Variants in HOXC6 observed in about 807,000 individuals in gnomAD.
HOXC6 encodes the protein homeobox protein Hox-C6.
In HOXC6, 10 loss-of-function variants were observed where a neutral mutation model predicts 24.0. The observed-to-expected ratio is 0.42, with a 90% CI of 0.26 to 0.71. The LOEUF (loss-of-function observed/expected upper bound fraction) is 0.71. HOXC6 is among the 30% of genes least tolerant of loss of function. The pLI is 0.28. For missense variants in HOXC6, 258 were observed against 303.4 expected, an observed-to-expected ratio of 0.85 and a Z score of 1.11; for synonymous variants, 123 against 128.1, an observed-to-expected ratio of 0.96 and a Z score of 0.27.
At position 54,028,649 on chromosome 12, in the gene HOXC6, C is replaced by T. The variant is rs763026260; in HGVS notation, c.128C>T (p.Ala43Val). 8 of 1,614,140 alleles carry T rather than the reference C, an allele frequency of 5.0e-6. No individual in the cohort carries two copies. The highest frequency in any genetic ancestry group is 3.3e-4 in the Middle Eastern group (2 of 6,062). ...AGGCATTTCTCGACCTATGGAGCGG[C>T]CGTTGCCCAGAACCGGATCTACTCG... ...PVRHFSTYGAAVAQNRIYSTP... is the reference protein window; with the variant it reads ...PVRHFSTYGAVVAQNRIYSTP... The change falls in exon 1 of 2, where the codon GCC (alanine) becomes GTC (valine). Residue 43 changes from alanine to valine, a missense_variant. Transcript: ENST00000243108.
intron 1 of HOXC6, among the ~76,000 whole-genome samples, chr12:54,017,898 G>C (rs2136412294): frequency 6.6e-6 from 1 of 151,880 alleles, no homozygotes; most frequent in East Asian, 1.9e-4. Flanking sequence ...TCCCCTCCCT[G>C]TCTGGCAGCC....
chr12:54,017,586 G>A (rs374923300), intron 1 of HOXC6, among the ~76,000 whole-genome samples: 2 of 152,040 alleles, frequency 1.3e-5, no homozygotes, highest in South Asian at 4.2e-4. Context: ...GGGTTAAACT[G>A]GAATACCGGT....
chr12:54,019,122 G>A (rs1940304039), intron 1 of HOXC6, among the ~76,000 whole-genome samples: 2 of 128,634 alleles, frequency 1.6e-5, no homozygotes. Flanking sequence ...CCATCATAAA[G>A]GCCTCTGAGG....
intron 1 of HOXC6, chr12:54,017,433 G>A (rs528275436): frequency 2.3e-4 from 35 of 150,382 alleles, no homozygotes; most frequent in African/African-American, 8.8e-4. Context: ...TTCCTTATTG[G>A]TTCAAATATG....
chr12:54,029,998 C>G lies in HOXC6; in HGVS notation c.*36C>G. On this transcript the variant is annotated 3_prime_UTR_variant, in exon 2 of 2. Transcript: ENST00000243108. ...CCCTGCCACCCCTCTCTCCCTTTCT[C>G]CCTCGCTCCCCACCAACTCTCCCCT... 1 of 1,466,448 alleles carries G rather than the reference C, an allele frequency of 6.8e-7. No homozygotes were observed. The highest frequency in any genetic ancestry group is 9.1e-7 in the Non-Finnish European group (1 of 1,100,462). 90.8% of individuals were successfully genotyped at this position (1,466,448 alleles called of 1,614,324 possible).
chr12:54,021,228 G>A lies in HOXC6; in HGVS notation c.-193+3814G>A, dbSNP rs542736788. The A allele has an allele frequency of 7.2e-5, 11 of 152,342 alleles. No individual in the cohort carries two copies. In the East Asian group the frequency reaches 2.1e-3, roughly 29 times the overall value. 9.4% of individuals were successfully genotyped at this position (152,342 alleles called of 1,614,324 possible). A position where few individuals can be genotyped will look rare whatever the true frequency, so the allele number is the denominator to read the frequency against. On this transcript the variant is annotated intron_variant, in intron 1 of 2. Transcript: ENST00000394331. Reference sequence around the variant, plus strand: ...CGCTCACCCCGCCCCAGCCCGATTTGCCTGCATCCGTGGCGGCAGATTGGG... The same window carrying A: ...CGCTCACCCCGCCCCAGCCCGATTTACCTGCATCCGTGGCGGCAGATTGGG...
Position 54,029,965 on chromosome 12 carries a change from A to C in HOXC6, c.*3A>C. 6.5e-7 allele frequency: 1 copy of C among 1,546,040 alleles called. No homozygotes were observed. The highest frequency in any genetic ancestry group is 8.7e-7 in the Non-Finnish European group (1 of 1,145,458). On this transcript the variant is annotated 3_prime_UTR_variant, in exon 2 of 2. Coordinates refer to ENST00000243108, the MANE Select transcript of HOXC6 (RefSeq NM_004503.4). Reference sequence around the variant, plus strand: ...AAGAGGAGAAGCAGAAAGAGTGACCAGGACTGTCCCTGCCACCCCTCTCTC... The same window carrying C: ...AAGAGGAGAAGCAGAAAGAGTGACCCGGACTGTCCCTGCCACCCCTCTCTC...
chr12:54,026,577 C>T (rs1206621582), upstream of HOXC6, among the ~76,000 whole-genome samples: 3 of 152,194 alleles, frequency 2.0e-5, no homozygotes, highest in African/African-American at 7.2e-5. Flanking sequence ...CTTTCCCCTT[C>T]CCTTCCAAAT....
chr12:54,024,369 G>A (rs1255685918), upstream of HOXC6, among the ~76,000 whole-genome samples: 3 of 152,128 alleles, frequency 2.0e-5, no homozygotes, highest in South Asian at 2.1e-4. Context: ...AGGAGGCACC[G>A]AGCTGTAGTT....
chr12:54,027,585 C>G (rs1036055586), upstream of HOXC6, among the ~76,000 whole-genome samples: 3 of 152,218 alleles, frequency 2.0e-5, no homozygotes, highest in Non-Finnish European at 2.9e-5. Flanking sequence ...CTCTGTCTTT[C>G]CCCCTCCGGT....
In HOXC6 at chr12:54,030,203, T is replaced by C. The variant is rs1940930354; in HGVS notation, c.*241T>C. 4.6e-6 allele frequency: 2 copies of C among 432,806 alleles called. No individual in the cohort carries two copies. Among genetic ancestry groups the C allele is most frequent in the South Asian group, 8.9e-5 (2 of 22,432 alleles). 26.8% of individuals were successfully genotyped at this position (432,806 alleles called of 1,614,324 possible). On this transcript the variant is annotated 3_prime_UTR_variant, in exon 2 of 2. Coordinates refer to ENST00000243108, the MANE Select transcript of HOXC6 (RefSeq NM_004503.4). The stretch of plus-strand genomic sequence containing the variant: ...CTTGCTAGCTCGTTCTCGGCTTGTC[T>C]ACAGGCCCTTTTCCCCGTCCAGGCC...
chr12:54,028,979 C>G lies in HOXC6; in HGVS notation c.400+58C>G, dbSNP rs1025297090. 4.6e-6 allele frequency: 7 copies of G among 1,505,612 alleles called. No homozygotes were observed. In the East Asian group the frequency reaches 1.4e-4, roughly 29 times the overall value. 93.3% of individuals were successfully genotyped at this position (1,505,612 alleles called of 1,614,324 possible). ...TAAACTGAACTGGCTTTATGACCGG[C>G]TTCCCTAGAAGAACGGGCGGAGAGA... On this transcript the variant is annotated intron_variant, in intron 1 of 1. Transcript: ENST00000243108.
Position 54,029,947 on chromosome 12 carries a change from G to A in HOXC6, c.693G>A (p.Glu231=), listed in dbSNP as rs1291065099. ...AAAAGCGGGAAGAGACAGAAGAGGA[G>A]AAGCAGAAAGAGTGACCAGGACTGT... ...KEEKREETEE[E]KQKE Residue 231 remains glutamate, a synonymous_variant, in exon 2 of 2, where the codon GAG becomes GAA. Transcript: ENST00000243108. 1.3e-6 allele frequency: 2 copies of A among 1,580,628 alleles called. No individual in the cohort carries two copies. The highest frequency in any genetic ancestry group is 1.7e-6 in the Non-Finnish European group (2 of 1,162,272).
At chr12:54,018,338 C>G (rs1940259639) in intron 1 of HOXC6, among the ~76,000 whole-genome samples, 1 of 152,198 alleles carries the variant, frequency 6.6e-6, no homozygotes, top group Non-Finnish European at 1.5e-5. Context: ...CTAGGACCTG[C>G]CTCGCCTCGG....
chr12:54,028,866 C>T lies in HOXC6; in HGVS notation c.345C>T (p.Asp115=), dbSNP rs781639621. 3 of 1,613,842 alleles carry T rather than the reference C, an allele frequency of 1.9e-6. No homozygotes were observed. Among genetic ancestry groups the T allele is most frequent in the African/African-American group, 1.3e-5 (1 of 75,036 alleles). Residue 115 remains aspartate (D), a synonymous_variant, in exon 1 of 2, where the codon GAC becomes GAT. Coordinates refer to ENST00000243108, the MANE Select transcript of HOXC6 (RefSeq NM_004503.4). ...SSEQGRTAPQ[D]QKASIQIYPW... Reference sequence around the variant, plus strand: ...AGCAGGGCAGGACTGCGCCCCAGGACCAGAAAGCCAGTATCCAGATTTACC... The same window carrying T: ...AGCAGGGCAGGACTGCGCCCCAGGATCAGAAAGCCAGTATCCAGATTTACC...
In HOXC6 at chr12:54,028,824, T is replaced by C. The variant is rs2136436580; in HGVS notation, c.303T>C (p.Ala101=). 6.2e-7 allele frequency: 1 copy of C among 1,613,846 alleles called. No individual in the cohort carries two copies. The highest frequency in any genetic ancestry group is 1.3e-5 in the African/African-American group (1 of 74,918). Reference sequence around the variant, plus strand: ...GACATAACACACAGACCTCAATCGCTCAGGATTTTAGTTCTGAGCAGGGCA... The same window carrying C: ...GACATAACACACAGACCTCAATCGCCCAGGATTTTAGTTCTGAGCAGGGCA... The part of the protein sequence containing the change: ...TLGHNTQTSI[A]QDFSSEQGRT... The change falls in exon 1 of 2, where the codon GCT becomes GCC. Residue 101 remains alanine, a synonymous_variant. Transcript: ENST00000243108.
At chr12:54,028,030 C>G (rs1000191769), upstream of HOXC6, among the ~76,000 whole-genome samples, 3 of 152,028 alleles carry the variant, frequency 2.0e-5, no homozygotes, top group African/African-American at 7.3e-5. Context: ...GAGTTCTTCC[C>G]TTGGAGAAAT....
chr12:54,029,328 G>A (rs1035900363), intron 1 of HOXC6, among the ~76,000 whole-genome samples: 1 of 152,108 alleles, frequency 6.6e-6, no homozygotes, highest in African/African-American at 2.4e-5. Context: ...GAGAAAGGGG[G>A]CCCTCATCCC....
intron 1 of HOXC6, among the ~76,000 whole-genome samples, chr12:54,019,756 T>C (rs998551361): frequency 2.6e-5 from 4 of 152,062 alleles, no homozygotes; most frequent in African/African-American, 4.8e-5. Context: ...CACAGCGAGA[T>C]TTGGAGGTGC....
Sources: allele counts gnomAD v4.1 joint callset (sites outside exome capture counted in the v4.1 genomes callset), GRCh38; gene constraint gnomAD v4.1.1; transcripts MANE v1.5; gene names NCBI Gene and HGNC (gene_info 2026-07-23, HGNC 2026-07-21).